The following MICAL2 variants were observed in gnomAD, a reference collection of about 807,000 sequenced individuals.
MICAL2 encodes the protein microtubule associated monooxygenase, calponin and LIM domain containing 2, also known as [F-actin]-monooxygenase MICAL2.
Under a neutral mutation model 127.3 loss-of-function variants are expected in MICAL2, and 77 were observed. That is an observed-to-expected ratio of 0.60 (90% confidence interval 0.50 to 0.73). The LOEUF (loss-of-function observed/expected upper bound fraction) is 0.73, where lower values mean the gene tolerates loss of function less well. MICAL2 is among the 30% of genes least tolerant of loss of function. The pLI, the probability that MICAL2 is intolerant of heterozygous loss-of-function variation, is 0.00. For synonymous variants in MICAL2, 570 were observed against 551.1 expected (o/e 1.03, Z -0.48); for missense variants, 1,351 against 1,434.4 (o/e 0.94, Z 0.94).
intron 1 of MICAL2, among the ~76,000 whole-genome samples, chr11:12,136,757 G>A (rs1031847245): frequency 6.6e-6 from 1 of 152,180 alleles, no homozygotes; most frequent in East Asian, 1.9e-4. Context: ...GCTGGACACA[G>A]TGTGCCCAGG....
Position 12,220,195 on chromosome 11 carries a change from C to T in MICAL2, c.949-6C>T. On this transcript the variant is annotated splice_polypyrimidine_tract_variant and splice_region_variant and intron_variant, in intron 8 of 27. Transcript: ENST00000683283. Reference sequence around the variant, plus strand: ...GGTTGCTGCACCATGTTTTCATCTTCCCCAGGACTACATCGACACAGAGAT... The same window carrying T: ...GGTTGCTGCACCATGTTTTCATCTTTCCCAGGACTACATCGACACAGAGAT... The T allele has an allele frequency of 6.2e-7, 1 of 1,613,962 alleles. No individual in the cohort carries two copies. Among genetic ancestry groups the T allele is most frequent in the South Asian group, 1.1e-5 (1 of 91,072 alleles).
At chr11:12,304,730 G>A (rs906927324) in intron 29 of MICAL2, among the ~76,000 whole-genome samples, 2 of 151,762 alleles carry the variant, frequency 1.3e-5, no homozygotes, top group East Asian at 1.9e-4. Context: ...TACAGTGACA[G>A]TTTTGTTATA....
chr11:12,355,367 C>T (rs1939114540), intron 34 of MICAL2, among the ~76,000 whole-genome samples: 1 of 152,144 alleles, frequency 6.6e-6, no homozygotes, highest in African/African-American at 2.4e-5. Flanking sequence ...GCCAGGGCAT[C>T]ACACATGAGA....
At chr11:12,133,922 G>C (rs978799944) in intron 1 of MICAL2, among the ~76,000 whole-genome samples, 37 of 152,224 alleles carry the variant, frequency 2.4e-4, no homozygotes, top group African/African-American at 8.7e-4. Flanking sequence ...TCACCTCTGA[G>C]GGATCTGAGC....
At chr11:12,236,382 T>A in intron 16 of MICAL2, 137 bp downstream of exon 16, 1 of 754,244 alleles carries the variant, frequency 1.3e-6, no homozygotes, top group Non-Finnish European at 2.3e-6. Context: ...CTTGGCGTGA[T>A]GGAAAAACAG....
chr11:12,256,911 C>G lies in MICAL2; in HGVS notation c.3082C>G (p.Arg1028Gly). The change falls in exon 24 of 28, where the codon CGC becomes GGC. Residue 1028 changes from arginine to glycine, a missense_variant. Transcript: ENST00000683283. Reference protein sequence around the residue: ...EGHFFHRECFRCSICATTLRL... With the variant: ...EGHFFHRECFGCSICATTLRL... Reference sequence around the variant, plus strand: ...CCACTTCTTCCACCGGGAGTGTTTCCGCTGCAGCATCTGTGCCACCACCTT... The same window carrying G: ...CCACTTCTTCCACCGGGAGTGTTTCGGCTGCAGCATCTGTGCCACCACCTT... 6.2e-7 allele frequency: 1 copy of G among 1,614,168 alleles called. No homozygotes were observed. Among genetic ancestry groups the G allele is most frequent in the Non-Finnish European group, 8.5e-7 (1 of 1,180,012 alleles).
intron 4 of MICAL2, among the ~76,000 whole-genome samples, chr11:12,205,354 G>T (rs1016418535): frequency 6.6e-6 from 1 of 152,062 alleles, no homozygotes; most frequent in African/African-American, 2.4e-5. Flanking sequence ...GAACTGCAAG[G>T]GTCCACTTAT....
intron 2 of MICAL2, among the ~76,000 whole-genome samples, chr11:12,284,979 G>C (rs1322972514): frequency 6.6e-6 from 1 of 152,204 alleles, no homozygotes. Context: ...GATAGAAAAA[G>C]AGTTTAATTT....
At chr11:12,128,903 T>A (rs11600407) in intron 1 of MICAL2, among the ~76,000 whole-genome samples, 13,191 of 152,286 alleles carry the variant, frequency 0.087, 760 homozygotes, top group South Asian at 0.14. Flanking sequence ...ATGTCAACAC[T>A]TAGAACAGTG....
intron 32 of MICAL2, among the ~76,000 whole-genome samples, chr11:12,330,883 C>CAGAGAGAG (rs1201995121): frequency 1.2e-4 from 14 of 112,902 alleles, no homozygotes; most frequent in Admixed American, 8.5e-4. Flanking sequence ...GAGAGAGAGA[C>CAGAGAGAG]AGAGAGAGAG....
chr11:12,144,940 G>A (rs905282225), intron 2 of MICAL2, among the ~76,000 whole-genome samples: 7 of 152,206 alleles, frequency 4.6e-5, no homozygotes, highest in Non-Finnish European at 8.8e-5. Context: ...AAAGGACTGG[G>A]TCAAAACTGT....
chr11:12,205,880 AGGT>A (rs1217745796), intron 4 of MICAL2, among the ~76,000 whole-genome samples: 8 of 152,176 alleles, frequency 5.3e-5, no homozygotes, highest in African/African-American at 7.2e-5. Context: ...CTGTAGGGGT[AGGT>A]GGGAGGAGGG....
intron 1 of MICAL2, among the ~76,000 whole-genome samples, chr11:12,111,924 C>G (rs1849641009): frequency 6.6e-6 from 1 of 152,206 alleles, no homozygotes; most frequent in South Asian, 2.1e-4. Context: ...CCTGGAGACT[C>G]TAATACCGTA....
At chr11:12,148,327 G>A (rs900385561) in intron 2 of MICAL2, among the ~76,000 whole-genome samples, 4 of 152,110 alleles carry the variant, frequency 2.6e-5, no homozygotes, top group Admixed American at 2.6e-4. Flanking sequence ...CACAGGATAA[G>A]CCCAAATGCC....
intron 1 of MICAL2, among the ~76,000 whole-genome samples, chr11:12,277,724 G>A (rs1181953333): frequency 6.6e-6 from 1 of 152,162 alleles, no homozygotes; most frequent in Admixed American, 6.5e-5. Flanking sequence ...TGTGTTCTGG[G>A]TATCCAGTCA....
intron 8 of MICAL2, 145 bp downstream of exon 8, chr11:12,216,464 G>A (rs1199477292): frequency 1.5e-5 from 10 of 647,362 alleles, no homozygotes; most frequent in Non-Finnish European, 2.2e-5. Flanking sequence ...TCTTTTTCTT[G>A]GTGTTACATG....
intron 2 of MICAL2, among the ~76,000 whole-genome samples, chr11:12,281,408 C>T (rs112844047): frequency 3.3e-5 from 5 of 152,246 alleles, no homozygotes; most frequent in South Asian, 2.1e-4. Context: ...CTGGAGTGAT[C>T]GCTCTCCTGC....
At chr11:12,227,276 A>C (rs1857605096) in intron 15 of MICAL2, 145 bp downstream of exon 15, 1 of 613,896 alleles carries the variant, frequency 1.6e-6, no homozygotes, top group African/African-American at 1.9e-5. Context: ...AACTCGGATT[A>C]GTGACTGAGT....
Position 12,110,714 on chromosome 11 carries a change from C to T in MICAL2, c.-161C>T, listed in dbSNP as rs1440499478. Reference sequence around the variant, plus strand: ...AGGCCTGACCCGGGGCCGGGCAGCCCGCGCGACTTTCGGTAAGGCGGGGGC... The same window carrying T: ...AGGCCTGACCCGGGGCCGGGCAGCCTGCGCGACTTTCGGTAAGGCGGGGGC... On this transcript the variant is annotated 5_prime_UTR_variant, in exon 1 of 28. Coordinates refer to ENST00000683283, the MANE Select transcript of MICAL2 (RefSeq NM_001282663.2). This position sits in a 1 kb window ranked among gnomAD's most constrained non-coding sequence, Gnocchi z 4.5. 1.4e-5 allele frequency: 2 copies of T among 145,818 alleles called. No homozygotes were observed. Among genetic ancestry groups the T allele is most frequent in the Non-Finnish European group, 3.0e-5 (2 of 66,098 alleles). 9.0% of individuals were successfully genotyped at this position (145,818 alleles called of 1,614,324 possible).
Sources: gnomAD v4.1 joint callset for allele counts (sites outside exome capture counted in the v4.1 genomes callset) on GRCh38, gnomAD v4.1.1 for gene constraint, Gnocchi (gnomAD v3.1) non-coding constraint, MANE v1.5 for transcripts, NCBI Gene and HGNC (gene_info 2026-07-23, HGNC 2026-07-21) for gene names.